SCN9A: variants seen among roughly 807,000 people sequenced by gnomAD.
The protein encoded by SCN9A is sodium channel protein type 9 subunit alpha.
Under a neutral mutation model 187.0 loss-of-function variants are expected in SCN9A, and 131 were observed. The ratio of observed to expected loss-of-function variants is 0.70; its 90% CI spans 0.61 to 0.81. The LOEUF is 0.81. Among genes scored for constraint, SCN9A ranks in the 30% least tolerant of loss-of-function variants. The pLI is 0.00. For synonymous variants in SCN9A, 809 were observed against 808.6 expected (o/e 1.00, Z -0.01); for missense variants, 2,252 against 2,396.6 (o/e 0.94, Z 1.26).
At chr2:166,218,220 C>G (rs1375468192) in intron 24 of SCN9A, among the ~76,000 whole-genome samples, 1 of 133,088 alleles carries the variant, frequency 7.5e-6, no homozygotes, top group African/African-American at 2.9e-5. Flanking sequence ...TAGCCAGGTA[C>G]AGAAAGACAA....
intron 17 of SCN9A, among the ~76,000 whole-genome samples, chr2:166,267,459 T>C (rs1696790662): frequency 6.6e-6 from 1 of 151,896 alleles, no homozygotes; most frequent in Non-Finnish European, 1.5e-5. Context: ...GAGTTGCTAG[T>C]ATTTTGTTGG....
At chr2:166,366,867 A>C (rs1184921757) in intron 1 of SCN9A, among the ~76,000 whole-genome samples, 1 of 152,230 alleles carries the variant, frequency 6.6e-6, no homozygotes, top group African/African-American at 2.4e-5. Context: ...ATATTTAAAA[A>C]AATTGCATGC....
At chr2:166,234,812 C>G (rs1341701134) in intron 20 of SCN9A, among the ~76,000 whole-genome samples, 2 of 151,992 alleles carry the variant, frequency 1.3e-5, no homozygotes, top group Non-Finnish European at 2.9e-5. Flanking sequence ...CATGTTGGAA[C>G]TTAATTCCCA....
At chr2:166,240,538 C>G (rs1243972458) in intron 19 of SCN9A, among the ~76,000 whole-genome samples, 1 of 152,134 alleles carries the variant, frequency 6.6e-6, no homozygotes, top group African/African-American at 2.4e-5. Flanking sequence ...TTTGTAATCT[C>G]CTCTCTGAAA....
At chr2:166,359,151 AT>A (rs1170787537) in intron 1 of SCN9A, among the ~76,000 whole-genome samples, 1 of 152,160 alleles carries the variant, frequency 6.6e-6, no homozygotes, top group African/African-American at 2.4e-5. Flanking sequence ...TTTGCATAAA[AT>A]AACATTATGT....
intron 10 of SCN9A, 96 bp downstream of exon 10, chr2:166,288,341 A>G: frequency 6.5e-6 from 6 of 924,236 alleles, no homozygotes; most frequent in Non-Finnish European, 9.5e-6. Context: ...ATTAAAGAAA[A>G]TCTAGCTGGA....
intron 12 of SCN9A, among the ~76,000 whole-genome samples, chr2:166,283,827 G>A (rs1697603830): frequency 6.6e-6 from 1 of 152,170 alleles, no homozygotes; most frequent in Non-Finnish European, 1.5e-5. Context: ...GTGGTTAAGA[G>A]CACAAGATCT....
intron 1 of SCN9A, among the ~76,000 whole-genome samples, chr2:166,345,797 G>A (rs527935102): frequency 1.7e-4 from 26 of 152,126 alleles, no homozygotes; most frequent in East Asian, 1.9e-4. Context: ...TAAAATAAAC[G>A]GGGCCTATGC....
chr2:166,276,826 C>G (rs1266407661), intron 16 of SCN9A, 157 bp downstream of exon 16: 3 of 623,784 alleles, frequency 4.8e-6, no homozygotes, highest in Non-Finnish European at 7.0e-6. Flanking sequence ...AAATTTCGTT[C>G]TCTTTCCTGT....
chr2:166,209,703 A>G (rs1343588432), intron 24 of SCN9A, among the ~76,000 whole-genome samples: 3 of 152,158 alleles, frequency 2.0e-5, no homozygotes, highest in Non-Finnish European at 4.4e-5. Flanking sequence ...AACACATGAA[A>G]AAATGCTCAT....
At chr2:166,313,148 GTAAA>G (rs1699020302) in intron 1 of SCN9A, among the ~76,000 whole-genome samples, 2 of 149,750 alleles carry the variant, frequency 1.3e-5, no homozygotes, top group South Asian at 4.2e-4. Flanking sequence ...TTTCTGAATA[GTAAA>G]TAATTATTAA....
At chr2:166,300,593 A>G (rs1321807314) in intron 7 of SCN9A, among the ~76,000 whole-genome samples, 1 of 150,836 alleles carries the variant, frequency 6.6e-6, no homozygotes. Flanking sequence ...TGTGAAAGCA[A>G]GGGCTGAGGC....
Position 166,233,417 on chromosome 2 carries a change from G to A in SCN9A, c.3847C>T (p.Leu1283Phe), listed in dbSNP as rs1695181699. 2 of 1,581,786 alleles carry A rather than the reference G, an allele frequency of 1.3e-6. No homozygotes were observed. The highest frequency in any genetic ancestry group is 2.3e-5 in the East Asian group (1 of 42,688). The change falls in exon 21 of 27, where the codon CTT becomes TTT. Residue 1283 changes from leucine to phenylalanine, a missense_variant. Leu to Phe is a conservative substitution (Grantham distance 22). Around this residue, in one of 7 missense-constraint regions of SCN9A, gnomAD observed 368 missense variants for 408.6 expected, o/e 0.90. Coordinates refer to ENST00000642356, the MANE Select transcript of SCN9A (RefSeq NM_001365536.1). Reference sequence around the variant, plus strand: ...GTCCGAAGGGATTTAATGGGGCCAAGATCTGAGTAGCCAAGAGTGTTTGCC... The same window carrying A: ...GTCCGAAGGGATTTAATGGGGCCAAAATCTGAGTAGCCAAGAGTGTTTGCC... ...LVANTLGYSD[L>F]GPIKSLRTLR...
intron 1 of SCN9A, among the ~76,000 whole-genome samples, chr2:166,352,957 T>C (rs1280472476): frequency 6.6e-6 from 1 of 152,126 alleles, no homozygotes; most frequent in Admixed American, 6.5e-5. Flanking sequence ...TAAACTGTTT[T>C]CTCTAAACCA....
chr2:166,198,659 C>T lies in SCN9A; in HGVS notation c.*13G>A, dbSNP rs766901585. On this transcript the variant is annotated 3_prime_UTR_variant, in exon 27 of 27. Transcript: ENST00000642356. ...CTTTCACAGGCTGTAAACAATATAT[C>T]AAAAATGAAGCTCTATTTTTTGCTT... 12 of 1,551,376 alleles carry T rather than the reference C, an allele frequency of 7.7e-6. No homozygotes were observed. In the South Asian group the frequency reaches 1.1e-4, roughly 14 times the overall value.
intron 17 of SCN9A, among the ~76,000 whole-genome samples, chr2:166,258,438 C>G (rs1006268936): frequency 6.6e-6 from 1 of 151,308 alleles, no homozygotes; most frequent in Admixed American, 6.6e-5. Context: ...TAAAATTAAA[C>G]ATTTTGAACA....
intron 12 of SCN9A, among the ~76,000 whole-genome samples, chr2:166,282,206 G>GT (rs1697521543): frequency 1.3e-5 from 2 of 152,148 alleles, no homozygotes; most frequent in African/African-American, 4.8e-5. Flanking sequence ...GTAGTGCTGT[G>GT]TATCTAAAGG....
At position 166,199,406 on chromosome 2, in the gene SCN9A, T is replaced by C. The variant is rs1179381871; in HGVS notation, c.5233A>G (p.Ile1745Val). The C allele has an allele frequency of 6.2e-7, 1 of 1,614,088 alleles. No homozygotes were observed. Among genetic ancestry groups the C allele is most frequent in the East Asian group, 2.2e-5 (1 of 44,886 alleles). Residue 1745 changes from isoleucine (I) to valine (V), a missense_variant, in exon 27 of 27, where the codon ATC becomes GTC. Physicochemically the swap from Ile to Val is conservative, Grantham distance 29 (BLOSUM62 3). This residue lies in a region of SCN9A where 345 missense variants were observed against 344.6 expected (regional missense o/e 1.00). Transcript: ENST00000642356. ...VGIFYFVSYI[I>V]ISFLVVVNMY... The stretch of plus-strand genomic sequence containing the variant: ...TTCACCACAACCAGGAAGGATATGA[T>C]GATATAACTAACAAAGTAGAATATT...
chr2:166,280,324 C>T (rs960575387), intron 14 of SCN9A, 33 bp downstream of exon 14: 6 of 1,178,802 alleles, frequency 5.1e-6, no homozygotes, highest in Non-Finnish European at 7.3e-6. Flanking sequence ...AAAAGAGAAA[C>T]TATGAGTACA....
Sources: gnomAD v4.1 joint callset for allele counts (sites outside exome capture counted in the v4.1 genomes callset) on GRCh38, gnomAD v4.1.1 for gene constraint, gnomAD v4.1.1 regional missense constraint, MANE v1.5 for transcripts, NCBI Gene and HGNC (gene_info 2026-07-23, HGNC 2026-07-21) for gene names.